Variants in ARHGEF18 observed in about 807,000 individuals in gnomAD.
The protein encoded by ARHGEF18 is Rho/Rac guanine nucleotide exchange factor 18.
A neutral mutation model predicts 155.7 loss-of-function variants in ARHGEF18; 93 were observed. The observed-to-expected ratio is 0.60, with a 90% CI of 0.50 to 0.71. The LOEUF (loss-of-function observed/expected upper bound fraction) is 0.71. Among genes scored for constraint, ARHGEF18 ranks in the 30% least tolerant of loss-of-function variants. The probability of loss-of-function intolerance (pLI) is 0.00; values close to 1 mark genes in which losing one functional copy is unlikely to be tolerated. For missense variants in ARHGEF18, 1,593 were observed against 1,816.1 expected, an observed-to-expected ratio of 0.88 and a Z score of 2.23; for synonymous variants, 742 against 753.1, an observed-to-expected ratio of 0.99 and a Z score of 0.24.
intron 1 of ARHGEF18, among the ~76,000 whole-genome samples, chr19:7,357,328 TTC>T (rs1354348058): frequency 2.3e-4 from 35 of 152,334 alleles, no homozygotes; most frequent in African/African-American, 8.2e-4. Flanking sequence ...CCCTAAGAAG[TTC>T]TGTCCCTCTT....
chr19:7,434,581 C>A (rs544825596), intron 10 of ARHGEF18, among the ~76,000 whole-genome samples: 1 of 152,266 alleles, frequency 6.6e-6, no homozygotes, highest in South Asian at 2.1e-4. Context: ...TTTGCAGCTG[C>A]ACAGAAAGTG....
intron 3 of ARHGEF18, among the ~76,000 whole-genome samples, chr19:7,373,470 T>TTG (rs1555700840): frequency 6.7e-6 from 1 of 149,774 alleles, no homozygotes; most frequent in East Asian, 1.9e-4. Context: ...TTTGTTTTTT[T>TTG]TTTTTTGTTT....
intron 10 of ARHGEF18, among the ~76,000 whole-genome samples, chr19:7,425,332 A>G (rs1973594819): frequency 6.6e-6 from 1 of 152,148 alleles, no homozygotes; most frequent in South Asian, 2.1e-4. Context: ...TCAATGGAAA[A>G]AAGGTGGGGG....
At chr19:7,453,251 T>C (rs1975607168) in intron 16 of ARHGEF18, among the ~76,000 whole-genome samples, 1 of 151,932 alleles carries the variant, frequency 6.6e-6, no homozygotes, top group Non-Finnish European at 1.5e-5. Flanking sequence ...GCATTTATTT[T>C]GGAGAACTAT....
chr19:7,391,260 T>C (rs1971385622), intron 10 of ARHGEF18, among the ~76,000 whole-genome samples: 1 of 151,952 alleles, frequency 6.6e-6, no homozygotes, highest in South Asian at 2.1e-4. Flanking sequence ...TCTGTCCCGT[T>C]TCCTCCCGTC....
chr19:7,355,469 TG>T, intron 1 of ARHGEF18: 1 of 318,390 alleles, frequency 3.1e-6, no homozygotes, highest in Non-Finnish European at 4.5e-6. Flanking sequence ...GCCCCTGAGC[TG>T]GAAACCCCAG....
intron 1 of ARHGEF18, among the ~76,000 whole-genome samples, chr19:7,352,755 G>A (rs369021670): frequency 4.7e-5 from 7 of 148,364 alleles, no homozygotes; most frequent in South Asian, 4.3e-4. Flanking sequence ...GGATGGTCTC[G>A]ATCTCCTGAC....
At chr19:7,358,859 A>G (rs1356261264) in intron 1 of ARHGEF18, among the ~76,000 whole-genome samples, 1 of 152,224 alleles carries the variant, frequency 6.6e-6, no homozygotes, top group Non-Finnish European at 1.5e-5. Flanking sequence ...AGCCAGACAT[A>G]TAGAAAGTGA....
chr19:7,400,237 A>G (rs921011498), intron 10 of ARHGEF18, among the ~76,000 whole-genome samples: 2 of 152,164 alleles, frequency 1.3e-5, no homozygotes, highest in African/African-American at 4.8e-5. Flanking sequence ...CATAAAATTC[A>G]CCTTTTAAAA....
At chr19:7,411,926 C>G (rs1972708423) in intron 10 of ARHGEF18, among the ~76,000 whole-genome samples, 1 of 152,196 alleles carries the variant, frequency 6.6e-6, no homozygotes, top group African/African-American at 2.4e-5. Context: ...TGTGTCAGAA[C>G]TTCCTTCTTA....
chr19:7,388,675 G>C (rs771114918), intron 10 of ARHGEF18, among the ~76,000 whole-genome samples: 9 of 151,990 alleles, frequency 5.9e-5, no homozygotes, highest in Non-Finnish European at 1.2e-4. Context: ...CCGCCTCCCA[G>C]GTTCAAGCCA....
chr19:7,355,068 TCA>T (rs60457716), intron 1 of ARHGEF18, among the ~76,000 whole-genome samples: 2,745 of 146,478 alleles, frequency 0.019, 39 homozygotes, highest in African/African-American at 0.03. Flanking sequence ...CCAATGGGCT[TCA>T]CACACACACA....
chr19:7,428,026 A>T (rs566461123), intron 10 of ARHGEF18, among the ~76,000 whole-genome samples: 47 of 152,328 alleles, frequency 3.1e-4, no homozygotes, highest in Non-Finnish European at 5.4e-4. Flanking sequence ...TAACAGAGTC[A>T]AATCTCTGGG....
chr19:7,428,335 T>C (rs1012373738), intron 10 of ARHGEF18, among the ~76,000 whole-genome samples: 6 of 152,140 alleles, frequency 3.9e-5, no homozygotes, highest in African/African-American at 1.4e-4. Flanking sequence ...CCCACTTGCT[T>C]CCTGGCTATG....
chr19:7,378,586 C>G, intron 6 of ARHGEF18, 135 bp downstream of exon 6: 3 of 626,298 alleles, frequency 4.8e-6, no homozygotes, highest in Non-Finnish European at 4.6e-6. Flanking sequence ...CCACTAGTCC[C>G]CCCATAACCT....
At chr19:7,385,443 C>T (rs1214147508) in intron 10 of ARHGEF18, among the ~76,000 whole-genome samples, 4 of 136,664 alleles carry the variant, frequency 2.9e-5, no homozygotes, top group Non-Finnish European at 6.3e-5. Flanking sequence ...CTGGGAACTT[C>T]ATTATTATTA....
At position 7,382,907 on chromosome 19, in the gene ARHGEF18, A is replaced by G. The variant is rs2145452499; in HGVS notation, c.825+13A>G. ...GCAGAAGGAGAAGGTAAGGGGAGCT[A>G]AGCCACGGGGGCCCTCCTCTGCCTT... On this transcript the variant is annotated intron_variant, in intron 9 of 28. Transcript: ENST00000668164. 1 of 1,232,496 alleles carries G rather than the reference A, an allele frequency of 8.1e-7. No homozygotes were observed. The highest frequency in any genetic ancestry group is 4.2e-5 in the Admixed American group (1 of 23,714). 76.3% of individuals were successfully genotyped at this position (1,232,496 alleles called of 1,614,324 possible).
At chr19:7,368,484 A>G (rs965776079) in intron 2 of ARHGEF18, among the ~76,000 whole-genome samples, 2 of 152,210 alleles carry the variant, frequency 1.3e-5, no homozygotes, top group East Asian at 3.9e-4. Context: ...CTCCAAAATA[A>G]AAGATGAGAC....
intron 23 of ARHGEF18, 51 bp from the exon 24 acceptor site, chr19:7,466,867 T>G: frequency 1.3e-6 from 2 of 1,507,578 alleles, no homozygotes; most frequent in South Asian, 2.3e-5. Flanking sequence ...TTGAGTCTAG[T>G]CGGATGGGTC....
Sources: gnomAD v4.1 joint callset for allele counts (sites outside exome capture counted in the v4.1 genomes callset) on GRCh38, gnomAD v4.1.1 for gene constraint, MANE v1.5 for transcripts, NCBI Gene and HGNC (gene_info 2026-07-23, HGNC 2026-07-21) for gene names.